Variants in ALKBH1 observed in about 807,000 individuals in gnomAD.
ALKBH1 encodes the protein alkB homolog 1, histone H2A dioxygenase, also known as nucleic acid dioxygenase ALKBH1.
A neutral mutation model predicts 36.6 loss-of-function variants in ALKBH1; 31 were observed. The ratio of observed to expected loss-of-function variants is 0.85; its 90% CI spans 0.64 to 1.14. ALKBH1 has a LOEUF of 1.14. Among genes scored for constraint, ALKBH1 ranks in the 50% most tolerant of loss-of-function variants. ALKBH1 has a pLI of 0.00. For missense variants in ALKBH1, 490 were observed against 497.3 expected (o/e 0.99, Z 0.14); for synonymous variants, 183 against 186.6 (o/e 0.98, Z 0.16).
At chr14:77,702,971 A>G (rs2080367669) in intron 2 of ALKBH1, among the ~76,000 whole-genome samples, 1 of 151,992 alleles carries the variant, frequency 6.6e-6, no homozygotes, top group South Asian at 2.1e-4. Flanking sequence ...CTTGGCCAAC[A>G]TGAAACCCTG....
intron 1 of ALKBH1, among the ~76,000 whole-genome samples, chr14:77,706,564 A>G (rs920744607): frequency 6.6e-6 from 1 of 152,212 alleles, no homozygotes; most frequent in East Asian, 1.9e-4. Flanking sequence ...CTGAGGAACT[A>G]AACACCCAAG....
intron 3 of ALKBH1, chr14:77,683,448 G>T: frequency 5.4e-6 from 4 of 742,138 alleles, no homozygotes; most frequent in Non-Finnish European, 7.4e-6. Flanking sequence ...TAACTTACTT[G>T]TTCACAACAA....
Position 77,700,935 on chromosome 14 carries a change from T to A in ALKBH1, c.292+3434A>T, listed in dbSNP as rs375517418. 7.0e-3 allele frequency among the ~76,000 whole-genome samples: 1,048 copies of A among 149,092 alleles called. 8 individuals are homozygous for A. Among genetic ancestry groups the A allele is most frequent in the African/African-American group, 0.025 (1,008 of 40,588 alleles). On this transcript the variant is annotated intron_variant, in intron 2 of 5. Transcript: ENST00000216489. ...GGACCCCATCTCTACAAAAAATAAA[T>A]AAAAAAAAAATTAGCTGGACATGGT...
intron 1 of ALKBH1, among the ~76,000 whole-genome samples, chr14:77,705,070 T>G (rs934657550): frequency 6.6e-6 from 1 of 151,968 alleles, no homozygotes; most frequent in Non-Finnish European, 1.5e-5. Flanking sequence ...TTGTATAGAG[T>G]TGGTATTTAA....
At chr14:77,698,984 G>A (rs1304459636) in intron 2 of ALKBH1, among the ~76,000 whole-genome samples, 3 of 151,998 alleles carry the variant, frequency 2.0e-5, no homozygotes, top group African/African-American at 7.2e-5. Flanking sequence ...TGTTGGCCAG[G>A]CTGGTCTTGA....
intron 2 of ALKBH1, among the ~76,000 whole-genome samples, chr14:77,699,698 G>A (rs1266597048): frequency 6.6e-6 from 1 of 152,140 alleles, no homozygotes; most frequent in Non-Finnish European, 1.5e-5. Context: ...TGGATTTGCG[G>A]CCATGGAACA....
chr14:77,692,975 G>A (rs1246955977), intron 3 of ALKBH1, among the ~76,000 whole-genome samples: 1 of 151,826 alleles, frequency 6.6e-6, no homozygotes, highest in East Asian at 1.9e-4. Flanking sequence ...GGAGGCCGAG[G>A]TGGGCAGATC....
chr14:77,705,818 G>A (rs2080386344), intron 1 of ALKBH1, among the ~76,000 whole-genome samples: 1 of 152,176 alleles, frequency 6.6e-6, no homozygotes, highest in Non-Finnish European at 1.5e-5. Flanking sequence ...ACTTTGGGAA[G>A]CCAAGGCAGG....
At chr14:77,678,748 A>G (rs2080220152) in intron 4 of ALKBH1, among the ~76,000 whole-genome samples, 1 of 152,208 alleles carries the variant, frequency 6.6e-6, no homozygotes, top group African/African-American at 2.4e-5. Context: ...GTAGCTCAAG[A>G]AAACACGAAA....
intron 3 of ALKBH1, chr14:77,683,751 T>C: frequency 4.8e-6 from 1 of 207,358 alleles, no homozygotes. Context: ...TTTGTATTTT[T>C]AGTAGAGACA....
At chr14:77,699,844 G>GA (rs2139863632) in intron 2 of ALKBH1, among the ~76,000 whole-genome samples, 1 of 152,248 alleles carries the variant, frequency 6.6e-6, no homozygotes, top group South Asian at 2.1e-4. Context: ...CACGAGGTCA[G>GA]GAGATCAAGA....
At chr14:77,692,671 T>C (rs1272788229) in intron 3 of ALKBH1, among the ~76,000 whole-genome samples, 1 of 152,066 alleles carries the variant, frequency 6.6e-6, no homozygotes. Context: ...TCCTCCTTCA[T>C]GTTTTACCAA....
chr14:77,707,758 CG>C (rs771417557), intron 1 of ALKBH1, 63 bp downstream of exon 1: 85 of 1,523,138 alleles, frequency 5.6e-5, no homozygotes, highest in African/African-American at 9.7e-5. Flanking sequence ...GAAGAAGACA[CG>C]TAAGTCCCTC....
intron 3 of ALKBH1, chr14:77,683,070 T>C (rs779207084): frequency 8.8e-6 from 4 of 452,608 alleles, no homozygotes; most frequent in Non-Finnish European, 1.6e-5. Context: ...CAGGATGATC[T>C]TGAACTCCTT....
In ALKBH1 at chr14:77,686,469, T is replaced by C. The variant is rs188326055; in HGVS notation, c.456-6499A>G. 1.6e-4 allele frequency among the ~76,000 whole-genome samples: 25 copies of C among 152,086 alleles called. 1 individual carries two copies. Among genetic ancestry groups the C allele is most frequent in the South Asian group, 6.2e-4 (3 of 4,810 alleles). On this transcript the variant is annotated intron_variant, in intron 3 of 5. Transcript: ENST00000216489. Reference sequence around the variant, plus strand: ...ATTGGGTCTCACTAAAAAAGAAACATGCTATGCTCCCTGCTGCCTTCTCCA... The same window carrying C: ...ATTGGGTCTCACTAAAAAAGAAACACGCTATGCTCCCTGCTGCCTTCTCCA...
rs996853068 is a variant in ALKBH1, at chr14:77,675,926, C to T, written c.547-77G>A. ...CAGGAAACTATAAGATTAATTACCA[C>T]TTTAAAATAATCTTACTTACAAAGT... On this transcript the variant is annotated intron_variant, in intron 4 of 5. Coordinates refer to ENST00000216489, the MANE Select transcript of ALKBH1 (RefSeq NM_006020.3). 4.3e-6 allele frequency: 5 copies of T among 1,164,254 alleles called. No homozygotes were observed. In the African/African-American group the frequency reaches 7.8e-5, roughly 18 times the overall value. The allele number at this position is 1,164,254 out of a possible 1,614,324, so 72.1% of individuals were successfully genotyped here. A position where few individuals can be genotyped will look rare whatever the true frequency, so the allele number is the denominator to read the frequency against.
At chr14:77,704,308 G>T in intron 2 of ALKBH1, 61 bp downstream of exon 2, 1 of 1,195,718 alleles carries the variant, frequency 8.4e-7, no homozygotes, top group Non-Finnish European at 1.2e-6. Context: ...TACCTTCTTT[G>T]AAGACATGAA....
chr14:77,680,105 GA>G, intron 3 of ALKBH1, 135 bp from the exon 4 acceptor site: 1 of 637,582 alleles, frequency 1.6e-6, no homozygotes, highest in Middle Eastern at 2.5e-4. Context: ...GAAATTAGAA[GA>G]GATAAATGAG....
intron 4 of ALKBH1, among the ~76,000 whole-genome samples, chr14:77,677,790 A>T (rs2080213860): frequency 6.6e-6 from 1 of 152,160 alleles, no homozygotes; most frequent in African/African-American, 2.4e-5. Flanking sequence ...GTGATTAAAG[A>T]ACTTTAAGTT....
Sources: allele counts gnomAD v4.1 joint callset (sites outside exome capture counted in the v4.1 genomes callset), GRCh38; gene constraint gnomAD v4.1.1; transcripts MANE v1.5; gene names NCBI Gene and HGNC (gene_info 2026-07-23, HGNC 2026-07-21).